Variants in EVI5 observed in about 807,000 individuals in gnomAD.
EVI5 encodes the protein ecotropic viral integration site 5.
A neutral mutation model predicts 112.0 loss-of-function variants in EVI5; 73 were observed. That is an observed-to-expected ratio of 0.65 (90% confidence interval 0.54 to 0.79). EVI5 has a LOEUF of 0.79. Among genes scored for constraint, EVI5 ranks in the 30% least tolerant of loss-of-function variants. The probability of loss-of-function intolerance (pLI) is 0.00; values close to 1 mark genes in which losing one functional copy is unlikely to be tolerated. For missense variants in EVI5, 900 were observed against 968.8 expected, an observed-to-expected ratio of 0.93 and a Z score of 0.94; for synonymous variants, 305 against 319.9, an observed-to-expected ratio of 0.95 and a Z score of 0.50.
intron 1 of EVI5, among the ~76,000 whole-genome samples, chr1:92,744,674 G>T (rs985538107): frequency 6.6e-6 from 1 of 151,546 alleles, no homozygotes; most frequent in Non-Finnish European, 1.5e-5. Context: ...AGACAATCTG[G>T]TGGTTTCTAG....
At chr1:92,684,914 A>C (rs1033912936) in intron 9 of EVI5, among the ~76,000 whole-genome samples, 1 of 152,154 alleles carries the variant, frequency 6.6e-6, no homozygotes, top group African/African-American at 2.4e-5. Flanking sequence ...GCAAGTCCTG[A>C]GAGACCTACA....
chr1:92,603,235 C>T (rs972897365), intron 18 of EVI5, among the ~76,000 whole-genome samples: 8 of 152,068 alleles, frequency 5.3e-5, no homozygotes, highest in African/African-American at 1.7e-4. Context: ...AAATGAAATC[C>T]TCATGCATTG....
At chr1:92,711,535 G>C (rs945728172) in intron 2 of EVI5, among the ~76,000 whole-genome samples, 6 of 152,164 alleles carry the variant, frequency 3.9e-5, no homozygotes, top group Admixed American at 3.3e-4. Flanking sequence ...AAGTGCAGTA[G>C]TCCCAGCTAC....
chr1:92,559,322 T>C (rs1668155244), intron 19 of EVI5, among the ~76,000 whole-genome samples: 1 of 152,222 alleles, frequency 6.6e-6, no homozygotes, highest in African/African-American at 2.4e-5. Context: ...TGACCTCACT[T>C]GCCTCTCTAA....
chr1:92,663,441 G>A lies in EVI5; in HGVS notation c.1224C>T (p.Ser408=), dbSNP rs766813406. 3.5e-6 allele frequency: 5 copies of A among 1,417,532 alleles called. No individual in the cohort carries two copies. The highest frequency in any genetic ancestry group is 1.8e-4 in the Middle Eastern group (1 of 5,472). The allele number at this position is 1,417,532 out of a possible 1,614,324, so 87.8% of individuals were successfully genotyped here. A position where few individuals can be genotyped will look rare whatever the true frequency, so the allele number is the denominator to read the frequency against. Residue 408 remains serine, a synonymous_variant, in exon 12 of 20, where the codon TCC becomes TCT. Coordinates refer to ENST00000684568, the MANE Select transcript of EVI5 (RefSeq NM_001350197.2). Reference sequence around the variant, plus strand: ...ATACCTGTATCAATCTATCTGCCAAGGAAGCACTTTCCTACAAAAGGAAAA... The same window carrying A: ...ATACCTGTATCAATCTATCTGCCAAAGAAGCACTTTCCTACAAAAGGAAAA... ...RIETLEKESA[S]LADRLIQGQV...
chr1:92,605,614 C>T (rs74102921), intron 17 of EVI5, among the ~76,000 whole-genome samples: 13,079 of 152,036 alleles, frequency 0.086, 1,600 homozygotes, highest in African/African-American at 0.27. Context: ...TTATAAATGG[C>T]CATATATCAA....
intron 19 of EVI5, among the ~76,000 whole-genome samples, chr1:92,549,253 T>G (rs1335414534): frequency 6.6e-6 from 1 of 152,172 alleles, no homozygotes; most frequent in African/African-American, 2.4e-5. Flanking sequence ...GGGGAAAGGA[T>G]TCCCTATTTA....
chr1:92,605,549 A>G, intron 17 of EVI5, 147 bp from the exon 18 acceptor site: 1 of 572,440 alleles, frequency 1.7e-6, no homozygotes, highest in Non-Finnish European at 3.1e-6. Context: ...TATGCTCAAT[A>G]CATACAACGA....
intron 1 of EVI5, among the ~76,000 whole-genome samples, chr1:92,746,564 A>G (rs1414613309): frequency 6.6e-6 from 1 of 152,062 alleles, no homozygotes; most frequent in Non-Finnish European, 1.5e-5. Context: ...TGTCTCCACT[A>G]AAAATACAAA....
intron 19 of EVI5, among the ~76,000 whole-genome samples, chr1:92,558,495 A>T (rs74101199): frequency 6.6e-6 from 1 of 152,090 alleles, no homozygotes; most frequent in African/African-American, 2.4e-5. Context: ...AACTCTCTGG[A>T]GCCAATGAAT....
chr1:92,700,990 G>A (rs1671073289), intron 5 of EVI5: 1 of 152,096 alleles, frequency 6.6e-6, no homozygotes, highest in Non-Finnish European at 1.5e-5. Flanking sequence ...ATCTAGTTTT[G>A]CATTGTATTA....
intron 2 of EVI5, among the ~76,000 whole-genome samples, chr1:92,733,700 C>G (rs550568864): frequency 6.6e-6 from 1 of 152,276 alleles, no homozygotes; most frequent in South Asian, 2.1e-4. Context: ...GCGTGAGACA[C>G]AGCACCCGGT....
chr1:92,690,125 G>A (rs1004130622), intron 9 of EVI5, among the ~76,000 whole-genome samples: 9 of 151,886 alleles, frequency 5.9e-5, no homozygotes, highest in African/African-American at 1.9e-4. Flanking sequence ...CAATCCTCTT[G>A]CCTGGGCCTC....
chr1:92,788,430 C>T (rs1158458834), upstream of EVI5, among the ~76,000 whole-genome samples: 1 of 151,372 alleles, frequency 6.6e-6, no homozygotes, highest in African/African-American at 2.4e-5. Context: ...GCCGAGATTG[C>T]ACCATTGCAC....
chr1:92,561,298 A>G (rs1668487358), intron 19 of EVI5, among the ~76,000 whole-genome samples: 1 of 152,294 alleles, frequency 6.6e-6, no homozygotes, highest in South Asian at 2.1e-4. Flanking sequence ...TCTATCTGCA[A>G]CAAGGAAGGG....
chr1:92,543,118 G>T (rs1026569267), intron 19 of EVI5, among the ~76,000 whole-genome samples: 2 of 152,132 alleles, frequency 1.3e-5, no homozygotes, highest in Admixed American at 6.5e-5. Context: ...CTTCTCTGTC[G>T]CTAGGAAAGC....
chr1:92,600,865 C>T (rs1326713526), intron 18 of EVI5, among the ~76,000 whole-genome samples: 3 of 152,068 alleles, frequency 2.0e-5, no homozygotes, highest in African/African-American at 7.2e-5. Flanking sequence ...AAAGATGGTT[C>T]CTGAAGCCAT....
chr1:92,634,960 C>CAAA (rs1347791577), intron 14 of EVI5, among the ~76,000 whole-genome samples: 2 of 152,214 alleles, frequency 1.3e-5, no homozygotes, highest in Non-Finnish European at 2.9e-5. Flanking sequence ...ACCCTGTTTG[C>CAAA]CTGTGTATCA....
chr1:92,590,659 G>A (rs1673669856), intron 18 of EVI5, among the ~76,000 whole-genome samples: 3 of 152,178 alleles, frequency 2.0e-5, no homozygotes, highest in South Asian at 4.1e-4. Context: ...AAAGTGACGG[G>A]GAGAATGGAA....
Sources: allele counts gnomAD v4.1 joint callset (sites outside exome capture counted in the v4.1 genomes callset), GRCh38; gene constraint gnomAD v4.1.1; transcripts MANE v1.5; gene names NCBI Gene and HGNC (gene_info 2026-07-23, HGNC 2026-07-21).